ARMH3: variants seen among roughly 807,000 people sequenced by gnomAD.
The protein encoded by ARMH3 is armadillo like helical domain containing 3.
Under a neutral mutation model 99.1 loss-of-function variants are expected in ARMH3, and 60 were observed. The observed-to-expected ratio is 0.61, with a 90% CI of 0.49 to 0.75. The LOEUF is 0.75. Ranked by LOEUF, ARMH3 falls within the 30% of genes least tolerant of loss-of-function variation. The pLI, the probability that ARMH3 is intolerant of heterozygous loss-of-function variation, is 0.00. For synonymous variants in ARMH3, 285 were observed against 292.8 expected (o/e 0.97, Z 0.27); for missense variants, 679 against 843.1 (o/e 0.81, Z 2.41).
chr10:102,023,014 C>A (rs1257814634), intron 8 of ARMH3, among the ~76,000 whole-genome samples: 1 of 151,870 alleles, frequency 6.6e-6, no homozygotes, highest in Non-Finnish European at 1.5e-5. Context: ...CATGGAGAAA[C>A]CTATCTCCAC....
rs1012830867 is a variant in ARMH3, at chr10:102,002,037, C to T, written c.1084G>A (p.Val362Ile). 2 of 1,614,056 alleles carry T rather than the reference C, an allele frequency of 1.2e-6. No homozygotes were observed. The highest frequency in any genetic ancestry group is 2.7e-5 in the African/African-American group (2 of 74,942). The change falls in exon 15 of 26, where the codon GTA becomes ATA. Residue 362 changes from valine to isoleucine, a missense_variant. Val to Ile is a conservative substitution (Grantham distance 29, BLOSUM62 3). Around this residue, in one of 3 missense-constraint regions of ARMH3, gnomAD observed 389 missense variants for 456.5 expected, o/e 0.85. Transcript: ENST00000370033. ...SSVELPLDAD[V>I]QTSNLLITFL... ...GTTATCAGTAGATTACTGGTCTGTA[C>T]ATCTGCATCCAGTGGGAGTTCCACA... is the stretch of plus-strand genomic sequence containing the variant.
chr10:102,011,814 G>T, intron 10 of ARMH3, 31 bp from the exon 11 acceptor site: 1 of 1,557,422 alleles, frequency 6.4e-7, no homozygotes, highest in South Asian at 1.2e-5. Flanking sequence ...TCAACTTTAG[G>T]ATTGTTTATC....
chr10:101,915,995 G>A (rs1476182161), intron 23 of ARMH3, among the ~76,000 whole-genome samples: 1 of 151,740 alleles, frequency 6.6e-6, no homozygotes, highest in Non-Finnish European at 1.5e-5. Context: ...TAGTAGAGAC[G>A]GGGTTTCACC....
At chr10:102,007,833 CAAAAA>C (rs529858697) in intron 13 of ARMH3, among the ~76,000 whole-genome samples, 2 of 48,978 alleles carry the variant, frequency 4.1e-5, no homozygotes, top group Non-Finnish European at 8.4e-5. Flanking sequence ...ACACCATCTC[CAAAAA>C]AAAAAAAAAA....
intron 12 of ARMH3, 67 bp downstream of exon 12, chr10:102,009,910 C>G (rs760967858): frequency 8.4e-6 from 12 of 1,436,410 alleles, no homozygotes; most frequent in Non-Finnish European, 1.1e-5. Flanking sequence ...ACACTGCACA[C>G]TCTCATATCC....
chr10:102,005,562 T>A (rs1391033250), intron 14 of ARMH3, among the ~76,000 whole-genome samples: 2 of 151,988 alleles, frequency 1.3e-5, no homozygotes, highest in East Asian at 3.9e-4. Context: ...AGAGAAAGAA[T>A]AAAGAAGGTC....
intron 5 of ARMH3, among the ~76,000 whole-genome samples, chr10:102,025,575 G>A (rs2066982251): frequency 6.6e-6 from 1 of 152,144 alleles, no homozygotes; most frequent in Non-Finnish European, 1.5e-5. Context: ...TAAACGTTTA[G>A]ATTACAAGGA....
Position 101,995,348 on chromosome 10 carries a change from G to T in ARMH3, c.1158C>A (p.His386Gln). The T allele has an allele frequency of 6.2e-7, 1 of 1,613,296 alleles. No homozygotes were observed. Among genetic ancestry groups the T allele is most frequent in the Non-Finnish European group, 8.5e-7 (1 of 1,179,476 alleles). Residue 386 changes from histidine (H) to glutamine (Q), a missense_variant, in exon 16 of 26, where the codon CAC becomes CAA. Around this residue, in one of 3 missense-constraint regions of ARMH3, gnomAD observed 389 missense variants for 456.5 expected, o/e 0.85. Transcript: ENST00000370033. ...SIVMQDTKDE[H>Q]RLHSGKLCLI... is the part of the protein sequence containing the mutation. ...GACAGAGTTTGCCACTGTGAAGCCTGTGTTCATCTGTAAAGAAAAAAGAAA... is the reference window on the plus strand; with the variant it reads ...GACAGAGTTTGCCACTGTGAAGCCTTTGTTCATCTGTAAAGAAAAAAGAAA...
intron 23 of ARMH3, among the ~76,000 whole-genome samples, chr10:101,890,212 C>G (rs2067654129): frequency 6.6e-6 from 1 of 150,570 alleles, no homozygotes; most frequent in South Asian, 2.1e-4. Flanking sequence ...TAGAGAGAGA[C>G]AAATCTCTTT....
chr10:101,905,904 G>T (rs1479412789), intron 23 of ARMH3, among the ~76,000 whole-genome samples: 1 of 152,226 alleles, frequency 6.6e-6, no homozygotes, highest in East Asian at 1.9e-4. Flanking sequence ...ACCCCTTTTT[G>T]ATTGTCTGTC....
At chr10:102,033,391 T>A (rs2067179061) in intron 2 of ARMH3, 52 bp from the exon 3 acceptor site, 1 of 1,552,938 alleles carries the variant, frequency 6.4e-7, no homozygotes, top group Non-Finnish European at 8.8e-7. Flanking sequence ...ACCAAAAGCA[T>A]TAAGAATACT....
At chr10:101,850,417 T>G (rs1450288995) in intron 24 of ARMH3, among the ~76,000 whole-genome samples, 2 of 147,854 alleles carry the variant, frequency 1.4e-5, no homozygotes, top group East Asian at 2.0e-4. Context: ...AATCTCTCTC[T>G]CTCTCTTTTT....
intron 24 of ARMH3, among the ~76,000 whole-genome samples, chr10:101,882,120 G>T (rs1335329466): frequency 6.6e-6 from 1 of 152,186 alleles, no homozygotes; most frequent in African/African-American, 2.4e-5. Flanking sequence ...TAAATACCAA[G>T]ATACTGATAG....
At chr10:101,859,783 T>C (rs550596245) in intron 24 of ARMH3, among the ~76,000 whole-genome samples, 37 of 152,304 alleles carry the variant, frequency 2.4e-4, no homozygotes, top group African/African-American at 8.4e-4. Context: ...CCAAAAGAGT[T>C]GTATCTCAGA....
chr10:101,868,331 T>G (rs745872903), intron 24 of ARMH3, among the ~76,000 whole-genome samples: 9 of 152,188 alleles, frequency 5.9e-5, no homozygotes, highest in Non-Finnish European at 1.0e-4. Flanking sequence ...TTGACTTCTT[T>G]TACAACATGA....
chr10:101,876,459 G>A (rs1564711105), intron 24 of ARMH3, among the ~76,000 whole-genome samples: 1 of 152,040 alleles, frequency 6.6e-6, no homozygotes, highest in Non-Finnish European at 1.5e-5. Flanking sequence ...CTCTTTGCCA[G>A]ACCTCATTTA....
chr10:101,961,597 A>G (rs1023503312), intron 20 of ARMH3, among the ~76,000 whole-genome samples: 12 of 152,182 alleles, frequency 7.9e-5, no homozygotes, highest in African/African-American at 2.2e-4. Flanking sequence ...CTGTGTCAGG[A>G]GCAGTTTCAA....
intron 23 of ARMH3, among the ~76,000 whole-genome samples, chr10:101,914,900 C>T (rs4474373): frequency 1 from 146,998 of 147,448 alleles, 73,274 homozygotes; most frequent in East Asian, 1. Context: ...ACTTATAATG[C>T]CATCTTATAA....
chr10:101,920,982 G>T (rs183620053), intron 23 of ARMH3, among the ~76,000 whole-genome samples: 1 of 152,122 alleles, frequency 6.6e-6, no homozygotes, highest in South Asian at 2.1e-4. Context: ...GTTGGCAGGG[G>T]CTGGGGAAGG....
Sources: gnomAD v4.1 joint callset for allele counts (sites outside exome capture counted in the v4.1 genomes callset) on GRCh38, gnomAD v4.1.1 for gene constraint, gnomAD v4.1.1 regional missense constraint, MANE v1.5 for transcripts, NCBI Gene and HGNC (gene_info 2026-07-23, HGNC 2026-07-21) for gene names.